ENTR1: variants seen among roughly 807,000 people sequenced by gnomAD.
ENTR1 encodes endosome associated trafficking regulator 1, also known as endosome-associated-trafficking regulator 1.
ENTR1 carries 47 observed loss-of-function variants against 47.9 expected under a neutral mutation model. That is an observed-to-expected ratio of 0.98 (90% CI 0.78 to 1.25). The LOEUF is 1.25. Among genes scored for constraint, ENTR1 ranks in the 50% most tolerant of loss-of-function variants. ENTR1 has a pLI of 0.00. For synonymous variants in ENTR1, 290 were observed against 245.8 expected (o/e 1.18, Z -1.68); for missense variants, 668 against 570.5 (o/e 1.17, Z -1.74).
intron 3 of ENTR1, 84 bp from the exon 4 acceptor site, chr9:136,408,022 C>A (rs1461169091): frequency 9.4e-6 from 8 of 855,038 alleles, no homozygotes; most frequent in Non-Finnish European, 1.6e-5. Flanking sequence ...CTTTCCAGAG[C>A]ATGGCCACAT....
chr9:136,404,411 C>A (rs1248918190), intron 8 of ENTR1, among the ~76,000 whole-genome samples: 1 of 152,210 alleles, frequency 6.6e-6, no homozygotes, highest in Admixed American at 6.5e-5. Flanking sequence ...GGGACTCCTA[C>A]AAGTGGATGC....
At chr9:136,409,135 C>G in intron 2 of ENTR1, 68 bp from the exon 3 acceptor site, 3 of 1,394,792 alleles carry the variant, frequency 2.2e-6, no homozygotes, top group Non-Finnish European at 2.0e-6. Context: ...TGGTTTTTTT[C>G]TTTTGCACAT....
intron 8 of ENTR1, among the ~76,000 whole-genome samples, chr9:136,404,425 G>A (rs560547680): frequency 4.8e-4 from 73 of 152,278 alleles, no homozygotes; most frequent in African/African-American, 1.1e-3. Flanking sequence ...TGGATGCCCC[G>A]TGCCAGACCC....
In ENTR1 at chr9:136,407,395, G is replaced by A. The variant is rs377765782; in HGVS notation, c.569C>T (p.Pro190Leu). 4.6e-5 allele frequency: 74 copies of A among 1,607,346 alleles called. No homozygotes were observed. The Admixed American group carries it at 5.9e-4, about 13-fold the overall frequency. ...GGGGTGAGTCTGCTCGATGGCGGAC[G>A]GCAGGTAGGCCCCACTCCATCCGGT... is the stretch of plus-strand genomic sequence containing the variant. ...EDTGWSGAYL[P>L]SAIEQTHPER... Residue 190 changes from proline to leucine, a missense_variant, in exon 5 of 10, where the codon CCG becomes CTG. By Grantham distance (98) the Pro-to-Leu change is moderately conservative (BLOSUM62 -3). Transcript: ENST00000357365.
In ENTR1 at chr9:136,402,035, C is replaced by T. The variant is rs914271079; in HGVS notation, c.*753G>A. 3.9e-5 allele frequency: 6 copies of T among 152,602 alleles called. No homozygotes were observed. The highest frequency in any genetic ancestry group is 5.9e-5 in the Non-Finnish European group (4 of 68,072). 9.5% of individuals were successfully genotyped at this position (152,602 alleles called of 1,614,324 possible). On this transcript the variant is annotated 3_prime_UTR_variant, in exon 10 of 10. Transcript: ENST00000357365. Reference sequence around the variant, plus strand: ...AGTCAAAAAAGCATTTAGTGCTCATCGCCGTCCCTCTGAGGGGGGCCGTCA... The same window carrying T: ...AGTCAAAAAAGCATTTAGTGCTCATTGCCGTCCCTCTGAGGGGGGCCGTCA...
intron 2 of ENTR1, 136 bp from the exon 3 acceptor site, chr9:136,409,203 C>T (rs1344474522): frequency 1.1e-5 from 7 of 634,786 alleles, no homozygotes; most frequent in African/African-American, 3.7e-5. Context: ...TTTTTTGAGA[C>T]GGAGTCTTGC....
In ENTR1 at chr9:136,407,901, G is replaced by A. The variant is rs373676662; in HGVS notation, c.327C>T (p.Phe109=). The A allele has an allele frequency of 7.2e-5, 116 of 1,612,474 alleles. No homozygotes were observed. The highest frequency in any genetic ancestry group is 9.4e-5 in the Non-Finnish European group (111 of 1,178,692). Residue 109 remains phenylalanine, a synonymous_variant, in exon 4 of 10, where the codon TTC becomes TTT. Coordinates refer to ENST00000357365, the MANE Select transcript of ENTR1 (RefSeq NM_001039707.2). ...TGGTCTTCAGAAACTCTCTAAAAGAGAATGGATTTGCCTCTTCCAGATCTT... is the reference window on the plus strand; with the variant it reads ...TGGTCTTCAGAAACTCTCTAAAAGAAAATGGATTTGCCTCTTCCAGATCTT... The part of the protein sequence containing the change: ...RFEDLEEANP[F]SFREFLKTKN...
intron 9 of ENTR1, 82 bp downstream of exon 9, chr9:136,403,973 G>C (rs541653275): frequency 6.8e-7 from 1 of 1,463,558 alleles, no homozygotes; most frequent in African/African-American, 1.4e-5. Context: ...CATCAGCCTG[G>C]GCCCCCACCC....
Position 136,410,527 on chromosome 9 carries a change from C to A in ENTR1, c.-130G>T. 1 of 1,048,694 alleles carries A rather than the reference C, an allele frequency of 9.5e-7. No homozygotes were observed. Among genetic ancestry groups the A allele is most frequent in the African/African-American group, 1.7e-5 (1 of 59,742 alleles). 65.0% of individuals were successfully genotyped at this position (1,048,694 alleles called of 1,614,324 possible). ...CCCCCGTCGCCCGCCGCTCGGCCGC[C>A]CCCGCGCCTCCGAGCCTCTCGCCGC... On this transcript the variant is annotated 5_prime_UTR_variant, in exon 1 of 10. Coordinates refer to ENST00000357365, the MANE Select transcript of ENTR1 (RefSeq NM_001039707.2).
At position 136,409,028 on chromosome 9, in the gene ENTR1, G is replaced by C. The variant is rs763112506; in HGVS notation, c.260C>G (p.Pro87Arg). The C allele has an allele frequency of 6.2e-7, 1 of 1,613,944 alleles. No individual in the cohort carries two copies. The highest frequency in any genetic ancestry group is 8.5e-7 in the Non-Finnish European group (1 of 1,179,968). ...YGKGKCSKQS[P>R]SGAHGTHFGD... Reference sequence around the variant, plus strand: ...AAAATGTGTCCCGTGGGCTCCTGACGGGCTCTGCTTAGAACATTTCCCCTT... The same window carrying C: ...AAAATGTGTCCCGTGGGCTCCTGACCGGCTCTGCTTAGAACATTTCCCCTT... Residue 87 changes from proline to arginine, a missense_variant, in exon 3 of 10, where the codon CCG becomes CGG. Coordinates refer to ENST00000357365, the MANE Select transcript of ENTR1 (RefSeq NM_001039707.2).
intron 8 of ENTR1, 80 bp from the exon 9 acceptor site, chr9:136,404,274 T>A (rs940316713): frequency 8.4e-5 from 129 of 1,526,882 alleles, no homozygotes; most frequent in Non-Finnish European, 1.1e-4. Context: ...AGGCGAGGGC[T>A]TACCCGTGGG....
In ENTR1 at chr9:136,404,150, G is replaced by A. The variant is rs773939194; in HGVS notation, c.1113C>T (p.Cys371=). Residue 371 remains cysteine (C), a synonymous_variant, in exon 9 of 10, where the codon TGC becomes TGT. Transcript: ENST00000357365. ...NFQRENEALR[C]GQGASLTVVK... Reference sequence around the variant, plus strand: ...CCACGGTCAGGCTGGCACCCTGGCCGCACCGCAGGGCTTCATTCTCTCGCT... The same window carrying A: ...CCACGGTCAGGCTGGCACCCTGGCCACACCGCAGGGCTTCATTCTCTCGCT... The A allele has an allele frequency of 3.3e-5, 54 of 1,612,608 alleles. No individual in the cohort carries two copies. The highest frequency in any genetic ancestry group is 1.9e-4 in the South Asian group (17 of 91,018).
In ENTR1 at chr9:136,407,141, T is replaced by G; in HGVS notation, c.819+4A>C. ...TGCCAGAGGGCGCCGTGAGGCTCACTTACTGCGTCGTAACTTATCTGCAGC... is the reference window on the plus strand; with the variant it reads ...TGCCAGAGGGCGCCGTGAGGCTCACGTACTGCGTCGTAACTTATCTGCAGC... On this transcript the variant is annotated splice_donor_region_variant and intron_variant, in intron 5 of 9. Transcript: ENST00000357365. 1 of 1,585,708 alleles carries G rather than the reference T, an allele frequency of 6.3e-7. No homozygotes were observed.
intron 3 of ENTR1, among the ~76,000 whole-genome samples, chr9:136,408,155 C>A (rs1201507681): frequency 6.6e-6 from 1 of 152,174 alleles, no homozygotes; most frequent in Non-Finnish European, 1.5e-5. Flanking sequence ...TCTCCTTCCA[C>A]CCCTCGGCCC....
At chr9:136,406,094 C>T in intron 5 of ENTR1, 116 bp from the exon 6 acceptor site, 1 of 616,160 alleles carries the variant, frequency 1.6e-6, no homozygotes, top group East Asian at 3.1e-5. Flanking sequence ...GTCAGTGCAG[C>T]ATCCACCTGC....
At position 136,405,936 on chromosome 9, in the gene ENTR1, C is replaced by T. The variant is rs758439563; in HGVS notation, c.862G>A (p.Val288Ile). Residue 288 changes from valine to isoleucine, a missense_variant, in exon 6 of 10, where the codon GTT becomes ATT. By Grantham distance (29) the Val-to-Ile change is conservative. Transcript: ENST00000357365. ...NSKLRRKLNEVQSFSEAQTEM... is the reference protein window; with the variant it reads ...NSKLRRKLNEIQSFSEAQTEM... ...GTTTGAGCTTCAGAGAAGCTCTGAA[C>T]CTCATTCAGCTTTCTTCTCAGCTTA... 6.2e-6 allele frequency: 10 copies of T among 1,606,816 alleles called. No homozygotes were observed. Among genetic ancestry groups the T allele is most frequent in the Non-Finnish European group, 8.5e-6 (10 of 1,176,760 alleles).
chr9:136,402,947 CT>C lies in ENTR1; in HGVS notation c.1209-61del, dbSNP rs143604939. The C allele has an allele frequency of 1.4e-3, 966 of 679,970 alleles. 4 individuals carry two copies. In the African/African-American group the frequency reaches 0.023, roughly 16 times the overall value. 42.1% of individuals were successfully genotyped at this position (679,970 alleles called of 1,614,324 possible). ...GCAGCTACTCAGCAGCAACAGGGTT[CT>C]GGGGGGAGAAAGGGGAGGGGTTGGT... On this transcript the variant is annotated intron_variant, in intron 9 of 9. Coordinates refer to ENST00000357365, the MANE Select transcript of ENTR1 (RefSeq NM_001039707.2).
chr9:136,407,920 A>G lies in ENTR1; in HGVS notation c.308T>C (p.Leu103Pro), dbSNP rs768102201. Residue 103 changes from leucine to proline, a missense_variant, in exon 4 of 10, where the codon CTG (leucine) becomes CCG (proline). Transcript: ENST00000357365. ...THFGDDRFED[L>P]EEANPFSFRE... ...AAAAGAGAATGGATTTGCCTCTTCC[A>G]GATCTTCAAATCTGTCATCTGAAAT... 1.6e-5 allele frequency: 25 copies of G among 1,605,776 alleles called. No homozygotes were observed. The highest frequency in any genetic ancestry group is 1.3e-4 in the Admixed American group (8 of 59,986).
Position 136,407,241 on chromosome 9 carries a change from C to G in ENTR1, c.723G>C (p.Pro241=). ...CGCTAGGACTCCCTGCCGGAGAGGCCGGAGACACGCGAGAATCAGTGTCAC... is the reference window on the plus strand; with the variant it reads ...CGCTAGGACTCCCTGCCGGAGAGGCGGGAGACACGCGAGAATCAGTGTCAC... ...ALSDTDSRVS[P]ASPAGSPSAD... is the part of the protein sequence containing the mutation. The change falls in exon 5 of 10, where the codon CCG becomes CCC. Residue 241 remains proline, a synonymous_variant. Coordinates refer to ENST00000357365, the MANE Select transcript of ENTR1 (RefSeq NM_001039707.2). 1 of 1,613,078 alleles carries G rather than the reference C, an allele frequency of 6.2e-7. No individual in the cohort carries two copies. Among genetic ancestry groups the G allele is most frequent in the African/African-American group, 1.3e-5 (1 of 75,046 alleles).
Sources: allele counts gnomAD v4.1 joint callset (sites outside exome capture counted in the v4.1 genomes callset), GRCh38; gene constraint gnomAD v4.1.1; transcripts MANE v1.5; gene names NCBI Gene and HGNC (gene_info 2026-07-23, HGNC 2026-07-21).